NUBPL: variants seen among roughly 807,000 people sequenced by gnomAD.
NUBPL encodes iron-sulfur cluster transfer protein NUBPL.
Under a neutral mutation model 45.7 loss-of-function variants are expected in NUBPL, and 31 were observed. The observed-to-expected ratio is 0.68, with a 90% confidence interval of 0.51 to 0.92. The LOEUF (loss-of-function observed/expected upper bound fraction) is 0.92, where lower values mean the gene tolerates loss of function less well. NUBPL is among the 40% of genes least tolerant of loss of function. The probability of loss-of-function intolerance (pLI) is 0.00; values close to 1 mark genes in which losing one functional copy is unlikely to be tolerated. For missense variants in NUBPL, 401 were observed against 398.7 expected (o/e 1.01, Z -0.05); for synonymous variants, 144 against 140.9 (o/e 1.02, Z -0.15).
intron 10 of NUBPL, among the ~76,000 whole-genome samples, chr14:31,854,496 G>A (rs1269206816): frequency 1.3e-5 from 2 of 152,166 alleles, no homozygotes; most frequent in East Asian, 3.9e-4. Flanking sequence ...TCTTCAATGA[G>A]ATTATAAATT....
intron 6 of NUBPL, among the ~76,000 whole-genome samples, chr14:31,770,937 A>G (rs959709006): frequency 1.3e-5 from 2 of 152,226 alleles, no homozygotes; most frequent in Non-Finnish European, 2.9e-5. Context: ...CTATGATTTA[A>G]TCTTTACATT....
chr14:31,573,617 C>T (rs968698210), intron 3 of NUBPL, among the ~76,000 whole-genome samples: 1 of 152,154 alleles, frequency 6.6e-6, no homozygotes, highest in African/African-American at 2.4e-5. Flanking sequence ...AAATCAATTA[C>T]CTGTTCCTGC....
intron 6 of NUBPL, among the ~76,000 whole-genome samples, chr14:31,714,009 A>G (rs894389503): frequency 3.3e-5 from 5 of 152,222 alleles, no homozygotes; most frequent in Non-Finnish European, 5.9e-5. Flanking sequence ...TTGGCTATGT[A>G]GAAACTATTC....
intron 4 of NUBPL, among the ~76,000 whole-genome samples, chr14:31,645,216 C>T (rs555905992): frequency 3.3e-5 from 5 of 152,188 alleles, no homozygotes; most frequent in Admixed American, 3.3e-4. Flanking sequence ...CAGGCGCCCG[C>T]CACCACACCC....
chr14:31,857,306 G>A (rs1464633249), intron 10 of NUBPL, among the ~76,000 whole-genome samples: 1 of 152,156 alleles, frequency 6.6e-6, no homozygotes, highest in African/African-American at 2.4e-5. Context: ...ACAACACGGG[G>A]ACTCTGGGCC....
chr14:31,786,211 A>G (rs2039280916), intron 6 of NUBPL, among the ~76,000 whole-genome samples: 1 of 152,182 alleles, frequency 6.6e-6, no homozygotes, highest in Non-Finnish European at 1.5e-5. Flanking sequence ...GAAAGGACAT[A>G]TTACATGTTA....
intron 3 of NUBPL, chr14:31,578,076 A>C: frequency 1.2e-6 from 1 of 818,636 alleles, no homozygotes; most frequent in South Asian, 1.4e-5. Context: ...CAAAGTTTTG[A>C]ATGCATTACT....
intron 6 of NUBPL, among the ~76,000 whole-genome samples, chr14:31,756,209 T>C (rs1260812416): frequency 6.6e-6 from 1 of 152,216 alleles, no homozygotes; most frequent in Admixed American, 6.5e-5. Flanking sequence ...ATCTGAACTT[T>C]AAAGTAGTTT....
chr14:31,672,725 TG>T (rs2036600735), intron 4 of NUBPL, among the ~76,000 whole-genome samples: 1 of 152,196 alleles, frequency 6.6e-6, no homozygotes, highest in African/African-American at 2.4e-5. Context: ...GGCCTCCCAC[TG>T]TGCCTGGTAT....
At chr14:31,850,376 G>A (rs1415539265) in intron 10 of NUBPL, among the ~76,000 whole-genome samples, 175 bp downstream of exon 10, 1 of 152,132 alleles carries the variant, frequency 6.6e-6, no homozygotes, top group Admixed American at 6.5e-5. Flanking sequence ...AGCTTCCAGT[G>A]CTGGCTCTAA....
At chr14:31,732,447 A>G (rs2038071936) in intron 6 of NUBPL, among the ~76,000 whole-genome samples, 2 of 152,188 alleles carry the variant, frequency 1.3e-5, no homozygotes, top group South Asian at 2.1e-4. Context: ...TTAAAAAATC[A>G]GAAATGAGTT....
At chr14:31,850,751 G>A (rs537206086) in intron 10 of NUBPL, among the ~76,000 whole-genome samples, 25 of 151,796 alleles carry the variant, frequency 1.6e-4, no homozygotes, top group Non-Finnish European at 3.4e-4. Flanking sequence ...CTCCCCTCCC[G>A]AGTAGCTAGG....
intron 6 of NUBPL, among the ~76,000 whole-genome samples, chr14:31,701,338 C>T (rs546110642): frequency 1.3e-4 from 20 of 152,040 alleles, no homozygotes; most frequent in Admixed American, 9.2e-4. Flanking sequence ...GCTCAGGGAT[C>T]GTAAACGCAC....
intron 7 of NUBPL, among the ~76,000 whole-genome samples, chr14:31,802,308 G>A (rs904726625): frequency 4.7e-5 from 7 of 150,420 alleles, no homozygotes; most frequent in African/African-American, 1.7e-4. Flanking sequence ...ACAGAGTCTT[G>A]CTCTGTCACC....
chr14:31,677,402 A>C lies in NUBPL; in HGVS notation c.513+3828A>C, dbSNP rs1299409040. Among the ~76,000 whole-genome samples, 2 of 152,050 alleles carry C rather than the reference A, an allele frequency of 1.3e-5. 1 individual carries two copies. The highest frequency in any genetic ancestry group is 1.3e-4 in the Admixed American group (2 of 15,264). ...TATCTCCATGAGTTCGGTTGTTTTA[A>C]TTTTTAGGTACCACAGATAAGTGAG... On this transcript the variant is annotated intron_variant, in intron 6 of 10. Coordinates refer to ENST00000281081, the MANE Select transcript of NUBPL (RefSeq NM_025152.3).
chr14:31,692,245 T>G (rs1411885032), intron 6 of NUBPL, among the ~76,000 whole-genome samples: 1 of 152,188 alleles, frequency 6.6e-6, no homozygotes, highest in African/African-American at 2.4e-5. Flanking sequence ...AATTTAAAAT[T>G]TTTCTGTTGT....
intron 6 of NUBPL, among the ~76,000 whole-genome samples, chr14:31,753,014 C>T (rs115075238): frequency 0.012 from 1,820 of 152,258 alleles, 28 homozygotes; most frequent in African/African-American, 0.034. Context: ...GAGGGAACTG[C>T]CCCCATGGTA....
At chr14:31,566,157 G>GC (rs1361898745) in intron 3 of NUBPL, among the ~76,000 whole-genome samples, 1 of 151,876 alleles carries the variant, frequency 6.6e-6, no homozygotes, top group Non-Finnish European at 1.5e-5. Flanking sequence ...CTAATAAATA[G>GC]CACATATGAA....
chr14:31,571,785 T>C (rs2033592654), intron 3 of NUBPL, among the ~76,000 whole-genome samples: 1 of 152,186 alleles, frequency 6.6e-6, no homozygotes, highest in Admixed American at 6.5e-5. Context: ...CCAGTAACAC[T>C]GTTGATTTGT....
Sources: gnomAD v4.1 joint callset for allele counts (sites outside exome capture counted in the v4.1 genomes callset) on GRCh38, gnomAD v4.1.1 for gene constraint, MANE v1.5 for transcripts, NCBI Gene and HGNC (gene_info 2026-07-23, HGNC 2026-07-21) for gene names.